The following ZSWIM5 variants were observed in gnomAD, a reference collection of about 807,000 sequenced individuals.
The protein encoded by ZSWIM5 is zinc finger SWIM-type containing 5.
Under a neutral mutation model 119.6 loss-of-function variants are expected in ZSWIM5, and 55 were observed. The ratio of observed to expected loss-of-function variants is 0.46; its 90% CI spans 0.37 to 0.58. The LOEUF (loss-of-function observed/expected upper bound fraction) is 0.58, where lower values mean the gene tolerates loss of function less well. Among genes scored for constraint, ZSWIM5 ranks in the 20% least tolerant of loss-of-function variants. ZSWIM5 has a pLI of 0.00. For missense variants in ZSWIM5, 1,193 were observed against 1,512.8 expected, an observed-to-expected ratio of 0.79 and a Z score of 3.51; for synonymous variants, 537 against 606.9, an observed-to-expected ratio of 0.88 and a Z score of 1.69.
intron 1 of ZSWIM5, among the ~76,000 whole-genome samples, chr1:45,162,887 CT>C (rs1454758562): frequency 1.3e-5 from 2 of 152,236 alleles, no homozygotes; most frequent in African/African-American, 4.8e-5. Context: ...GATTCCACCT[CT>C]GGGGGCAGGG....
chr1:45,021,236 C>A (rs547927335), intron 11 of ZSWIM5, among the ~76,000 whole-genome samples: 1 of 152,150 alleles, frequency 6.6e-6, no homozygotes, highest in Non-Finnish European at 1.5e-5. Flanking sequence ...GGGGTTTCAC[C>A]GTGTTAGCCA....
At chr1:45,062,376 T>C (rs967125751) in intron 2 of ZSWIM5, among the ~76,000 whole-genome samples, 18 of 152,352 alleles carry the variant, frequency 1.2e-4, no homozygotes, top group South Asian at 2.1e-4. Flanking sequence ...TATATCTTAT[T>C]CTCTAGGGAA....
intron 2 of ZSWIM5, among the ~76,000 whole-genome samples, chr1:45,083,044 T>C (rs1415689960): frequency 6.6e-6 from 1 of 151,994 alleles, no homozygotes; most frequent in African/African-American, 2.4e-5. Context: ...GCCTGGGGGA[T>C]GGGGGCAGAA....
intron 1 of ZSWIM5, among the ~76,000 whole-genome samples, chr1:45,098,711 G>A (rs987133315): frequency 4.6e-5 from 7 of 152,174 alleles, no homozygotes; most frequent in African/African-American, 1.4e-4. Flanking sequence ...TCAGACCACA[G>A]TGCAATCAAA....
intron 1 of ZSWIM5, among the ~76,000 whole-genome samples, chr1:45,176,185 C>T (rs1299939417): frequency 6.7e-6 from 1 of 150,202 alleles, no homozygotes; most frequent in Admixed American, 6.7e-5. Flanking sequence ...TACTAAAAAC[C>T]ATGAGTTCAC....
intron 1 of ZSWIM5, among the ~76,000 whole-genome samples, chr1:45,195,629 T>C (rs1183721312): frequency 6.6e-6 from 1 of 152,200 alleles, no homozygotes; most frequent in African/African-American, 2.4e-5. Flanking sequence ...CTTTTGATGA[T>C]AGTAACAATG....
chr1:45,103,123 C>T (rs1645450111), intron 1 of ZSWIM5, among the ~76,000 whole-genome samples: 1 of 152,140 alleles, frequency 6.6e-6, no homozygotes, highest in Admixed American at 6.5e-5. Context: ...CTGCCTTGGC[C>T]TCCCAAAGTG....
intron 1 of ZSWIM5, among the ~76,000 whole-genome samples, chr1:45,144,233 A>G (rs1570147000): frequency 6.6e-6 from 1 of 152,270 alleles, no homozygotes; most frequent in South Asian, 2.1e-4. Flanking sequence ...AACTTTAAGA[A>G]ATACTATAAA....
intron 1 of ZSWIM5, among the ~76,000 whole-genome samples, chr1:45,204,088 C>G (rs1185754287): frequency 6.6e-6 from 1 of 152,060 alleles, no homozygotes; most frequent in East Asian, 1.9e-4. Flanking sequence ...TATCCTATTT[C>G]ATTTGGAAAG....
chr1:45,084,367 T>C (rs2149010124), intron 2 of ZSWIM5, among the ~76,000 whole-genome samples: 1 of 152,150 alleles, frequency 6.6e-6, no homozygotes, highest in South Asian at 2.1e-4. Context: ...GGGACACAAA[T>C]CCAAACCATA....
At position 45,206,225 on chromosome 1, in the gene ZSWIM5, T is replaced by A; in HGVS notation, c.126A>T (p.Gly42=). 1 of 1,584,760 alleles carries A rather than the reference T, an allele frequency of 6.3e-7. No homozygotes were observed. Among genetic ancestry groups the A allele is most frequent in the South Asian group, 1.1e-5 (1 of 87,430 alleles). ...HPRGSPGAAG[G]GAGGVGSSCL... ...AGCTGCTGCCGACGCCCCCTGCCCC[T>A]CCGCCGGCTGCCCCAGGCGAACCGC... Residue 42 remains glycine (G), a synonymous_variant, in exon 1 of 14, where the codon GGA becomes GGT. Transcript: ENST00000359600.
intron 1 of ZSWIM5, among the ~76,000 whole-genome samples, chr1:45,160,205 G>C (rs1025633474): frequency 2.6e-5 from 4 of 152,144 alleles, no homozygotes; most frequent in African/African-American, 9.7e-5. Context: ...TTGGGTACAT[G>C]TGAATATTTG....
intron 1 of ZSWIM5, among the ~76,000 whole-genome samples, chr1:45,160,464 A>G (rs931378490): frequency 3.9e-5 from 6 of 152,178 alleles, no homozygotes; most frequent in African/African-American, 1.4e-4. Context: ...TCTGGTATCC[A>G]TCATTTTACT....
At chr1:45,189,365 A>C (rs1646077861) in intron 1 of ZSWIM5, among the ~76,000 whole-genome samples, 1 of 152,174 alleles carries the variant, frequency 6.6e-6, no homozygotes, top group Admixed American at 6.5e-5. Context: ...GACAACACAC[A>C]AAGTAATAAT....
chr1:45,017,308 C>T lies in ZSWIM5; in HGVS notation c.*1146G>A, dbSNP rs1644860014. On this transcript the variant is annotated 3_prime_UTR_variant, in exon 14 of 14. Coordinates refer to ENST00000359600, the MANE Select transcript of ZSWIM5 (RefSeq NM_020883.2). Reference sequence around the variant, plus strand: ...CACAGATGCATGGATAACAAGCATACACATGGATACAAACATGTTTATACA... The same window carrying T: ...CACAGATGCATGGATAACAAGCATATACATGGATACAAACATGTTTATACA... 6.6e-6 allele frequency: 1 copy of T among 152,196 alleles called. No homozygotes were observed. Among genetic ancestry groups the T allele is most frequent in the South Asian group, 2.1e-4 (1 of 4,836 alleles). 9.4% of individuals were successfully genotyped at this position (152,196 alleles called of 1,614,324 possible).
rs750858734 is a variant in ZSWIM5 at position 45,036,139 on chromosome 1, T to C, written c.2055A>G (p.Val685=). 2.0e-5 allele frequency: 32 copies of C among 1,614,132 alleles called. 1 individual carries two copies. The South Asian group carries it at 3.4e-4, about 17-fold the overall frequency. The change falls in exon 9 of 14, where the codon GTA becomes GTG. Residue 685 remains valine, a synonymous_variant. Transcript: ENST00000359600. ...TCAGGAGCTGCTCCTCATTACGGCA[T>C]ACCTTGTCCTGTGCGTAGAGGCCTT... is the stretch of plus-strand genomic sequence containing the variant. ...MPEGLYAQDK[V]CRNEEQLLSQ...
At position 45,019,971 on chromosome 1, in the gene ZSWIM5, A is replaced by G. The variant is rs1273572718; in HGVS notation, c.2695+95T>C. On this transcript the variant is annotated intron_variant, in intron 13 of 13. Coordinates refer to ENST00000359600, the MANE Select transcript of ZSWIM5 (RefSeq NM_020883.2). This position sits in a 1 kb window ranked among gnomAD's most constrained non-coding sequence, Gnocchi z 5.0. ...TCTCCTGATGGACCTAAGATCTCAT[A>G]GGAATATGAGAGCTCTAAGGATTGA... 1 of 1,072,078 alleles carries G rather than the reference A, an allele frequency of 9.3e-7. No individual in the cohort carries two copies. The highest frequency in any genetic ancestry group is 2.1e-5 in the Admixed American group (1 of 48,186). 66.4% of individuals were successfully genotyped at this position (1,072,078 alleles called of 1,614,324 possible).
chr1:45,130,249 C>T (rs1006296666), intron 1 of ZSWIM5, among the ~76,000 whole-genome samples: 2 of 152,174 alleles, frequency 1.3e-5, no homozygotes, highest in Non-Finnish European at 2.9e-5. Context: ...CAAACTCTTG[C>T]TCTATTAAAG....
Position 45,058,755 on chromosome 1 carries a change from C to T in ZSWIM5, c.1106G>A (p.Arg369Gln), listed in dbSNP as rs267598621. The part of the protein sequence containing the change: ...KQLNSMFAKV[R>Q]EMLRMRDSNG... ...GGAATCTCTCATCCGCAGCATTTCT[C>T]GAACCTGACACATAAGAAGTGGCAA... Residue 369 changes from arginine (R) to glutamine (Q), a missense_variant, in exon 4 of 14, where the codon CGA becomes CAA. By Grantham distance (43) the Arg-to-Gln change is conservative. Transcript: ENST00000359600. The T allele has an allele frequency of 9.3e-6, 15 of 1,613,782 alleles. No individual in the cohort carries two copies. Among genetic ancestry groups the T allele is most frequent in the Non-Finnish European group, 1.3e-5 (15 of 1,180,000 alleles).
Sources: allele counts gnomAD v4.1 joint callset (sites outside exome capture counted in the v4.1 genomes callset), GRCh38; gene constraint gnomAD v4.1.1; non-coding constraint Gnocchi (gnomAD v3.1); transcripts MANE v1.5; gene names NCBI Gene and HGNC (gene_info 2026-07-23, HGNC 2026-07-21).